Variants in DNAH9 observed in about 807,000 individuals in gnomAD.
The protein encoded by DNAH9 is DNAH9 variant protein.
In DNAH9, 345 loss-of-function variants were observed where a neutral mutation model predicts 471.6. The observed-to-expected ratio is 0.73, with a 90% confidence interval of 0.67 to 0.80. DNAH9 has a LOEUF of 0.80. Ranked by LOEUF, DNAH9 falls within the 30% of genes least tolerant of loss-of-function variation. The pLI is 0.00. For missense variants in DNAH9, 5,407 were observed against 5,609.2 expected (o/e 0.96, Z 1.15); for synonymous variants, 2,093 against 2,123.6 (o/e 0.99, Z 0.40).
intron 62 of DNAH9, among the ~76,000 whole-genome samples, chr17:11,926,471 T>C (rs1974332436): frequency 6.6e-6 from 1 of 152,164 alleles, no homozygotes; most frequent in Non-Finnish European, 1.5e-5. Flanking sequence ...TGTGTTCTCA[T>C]TGTTCAGCTC....
intron 27 of DNAH9, among the ~76,000 whole-genome samples, chr17:11,721,729 C>T (rs1420158878): frequency 6.6e-6 from 1 of 151,798 alleles, no homozygotes; most frequent in Non-Finnish European, 1.5e-5. Flanking sequence ...TAGTATAACC[C>T]GATTTTATTT....
intron 55 of DNAH9, chr17:11,883,158 C>A: frequency 6.1e-6 from 6 of 990,780 alleles, no homozygotes; most frequent in Non-Finnish European, 7.2e-6. Context: ...ACAGATTCTG[C>A]TGATTTTTTT....
chr17:11,767,271 T>C (rs2150874893), intron 36 of DNAH9, among the ~76,000 whole-genome samples: 1 of 152,342 alleles, frequency 6.6e-6, no homozygotes, highest in South Asian at 2.1e-4. Flanking sequence ...GTTGAAGGTC[T>C]TGAAGCGTAT....
chr17:11,839,266 C>G (rs932579750), intron 49 of DNAH9, among the ~76,000 whole-genome samples: 2 of 152,142 alleles, frequency 1.3e-5, no homozygotes, highest in Non-Finnish European at 2.9e-5. Flanking sequence ...CCTGTAATCC[C>G]AGCACTTTGG....
Position 11,623,261 on chromosome 17 carries a change from A to C in DNAH9, c.1350+3480A>C, listed in dbSNP as rs1444790720. On this transcript the variant is annotated intron_variant, in intron 6 of 68. Coordinates refer to ENST00000262442, the MANE Select transcript of DNAH9 (RefSeq NM_001372.4). This position sits in a 1 kb window ranked among gnomAD's most constrained non-coding sequence, Gnocchi z 4.1. ...AGTGCTGGGATTACAGGTGTGAGCC[A>C]CCGTGCCCGGCCAGCATTTCTTTTC... 6.6e-6 allele frequency among the ~76,000 whole-genome samples: 1 copy of C among 151,970 alleles called. No homozygotes were observed. Among genetic ancestry groups the C allele is most frequent in the African/African-American group, 2.4e-5 (1 of 41,382 alleles).
intron 37 of DNAH9, 58 bp from the exon 38 acceptor site, chr17:11,769,064 G>A: frequency 6.3e-7 from 1 of 1,575,774 alleles, no homozygotes; most frequent in Non-Finnish European, 8.7e-7. Context: ...AACGCCGCTG[G>A]TGCATCTGTT....
At chr17:11,874,244 C>CA (rs770328921) in intron 52 of DNAH9, among the ~76,000 whole-genome samples, 1,733 of 106,382 alleles carry the variant, frequency 0.016, 69 homozygotes, top group East Asian at 0.086. Context: ...GATTCCATCT[C>CA]AAAAAAAAAA....
chr17:11,877,055 A>G (rs1389611935), intron 53 of DNAH9, among the ~76,000 whole-genome samples: 2 of 152,016 alleles, frequency 1.3e-5, no homozygotes, highest in Admixed American at 6.6e-5. Context: ...TGAATGGATG[A>G]TGGTGATGGA....
intron 19 of DNAH9, among the ~76,000 whole-genome samples, chr17:11,685,801 ATTTT>A (rs66577382): frequency 1.6e-5 from 2 of 123,622 alleles, no homozygotes. Context: ...GGATACATTA[ATTTT>A]TTTTTTTTTT....
rs566499671 is a variant in DNAH9, at chr17:11,735,043, G to T, written c.5815-3837G>T. Among the ~76,000 whole-genome samples the T allele has an allele frequency of 1.1e-4, 17 of 152,302 alleles. No homozygotes were observed. In the South Asian group the frequency reaches 3.5e-3, roughly 32 times the overall value. On this transcript the variant is annotated intron_variant, in intron 28 of 68. Transcript: ENST00000262442. The stretch of plus-strand genomic sequence containing the variant: ...AATTTCTGATTTGATTTATCTTGGA[G>T]GTAGAGCTAAGAATTTGCATGGGAA...
intron 59 of DNAH9, 126 bp downstream of exon 59, chr17:11,894,622 C>A: frequency 1.6e-6 from 2 of 1,273,608 alleles, no homozygotes; most frequent in South Asian, 1.5e-5. Context: ...TAAACATAGG[C>A]GCATCCCTTT....
Position 11,962,940 on chromosome 17 carries a change from T to C in DNAH9, c.13233+684T>C, listed in dbSNP as rs1448349890. ...AAGGCTAATAAAAACGTGAGTCACA[T>C]GAGATTGGAGAAGATGTTTTGTCAC... On this transcript the variant is annotated intron_variant, in intron 68 of 68. Coordinates refer to ENST00000262442, the MANE Select transcript of DNAH9 (RefSeq NM_001372.4). The surrounding 1 kb of genome is among the most constrained non-coding windows in gnomAD (Gnocchi z 4.1). 1.3e-5 allele frequency among the ~76,000 whole-genome samples: 2 copies of C among 152,176 alleles called. No individual in the cohort carries two copies. Among genetic ancestry groups the C allele is most frequent in the Admixed American group, 6.5e-5 (1 of 15,274 alleles).
chr17:11,819,884 T>C (rs1970249088), intron 45 of DNAH9, among the ~76,000 whole-genome samples: 1 of 152,194 alleles, frequency 6.6e-6, no homozygotes, highest in African/African-American at 2.4e-5. Flanking sequence ...AAAATTAGGT[T>C]TTGAACAATA....
chr17:11,769,236 C>T lies in DNAH9; in HGVS notation c.7459C>T (p.Leu2487=), dbSNP rs1248082918. The change falls in exon 38 of 69, where the codon CTG becomes TTG. Residue 2487 remains leucine (L), a synonymous_variant. Coordinates refer to ENST00000262442, the MANE Select transcript of DNAH9 (RefSeq NM_001372.4). ...CACGGCTGGCACTGGCAAGTCGGTG[C>T]TGGTGGGAGCTAAGCTGGCCAGCCT... ...VGTAGTGKSV[L]VGAKLASLDP... 1.9e-6 allele frequency: 3 copies of T among 1,614,172 alleles called. No individual in the cohort carries two copies. The South Asian group carries it at 3.3e-5, about 18-fold the overall frequency.
chr17:11,637,468 C>T (rs116922602), intron 9 of DNAH9, among the ~76,000 whole-genome samples: 21 of 152,056 alleles, frequency 1.4e-4, no homozygotes, highest in African/African-American at 5.1e-4. Flanking sequence ...AGCGATGGTG[C>T]GAACCCCTAG....
intron 32 of DNAH9, among the ~76,000 whole-genome samples, chr17:11,750,722 TAAAA>T (rs956598187): frequency 6.6e-6 from 1 of 151,800 alleles, no homozygotes; most frequent in Non-Finnish European, 1.5e-5. Flanking sequence ...TAGGATGCAA[TAAAA>T]AAAATACTTC....
Position 11,629,479 on chromosome 17 carries a change from A to C in DNAH9, c.1413A>C (p.Arg471Ser). 1 of 1,614,138 alleles carries C rather than the reference A, an allele frequency of 6.2e-7. No homozygotes were observed. The highest frequency in any genetic ancestry group is 8.5e-7 in the Non-Finnish European group (1 of 1,180,008). Residue 471 changes from arginine to serine, a missense_variant, in exon 7 of 69, where the codon AGA becomes AGC. Transcript: ENST00000262442. ...KLGKVEFSGV[R>S]GNALSQQVQQ... ...GAAAGGTGGAGTTCAGCGGCGTCAG[A>C]GGGAATGCTCTGAGTCAGCAGGTCC...
intron 49 of DNAH9, among the ~76,000 whole-genome samples, chr17:11,845,538 G>A (rs1161969388): frequency 6.7e-6 from 1 of 149,196 alleles, no homozygotes; most frequent in Non-Finnish European, 1.5e-5. Flanking sequence ...GGATGGCTGG[G>A]TCAAATGGTA....
intron 52 of DNAH9, among the ~76,000 whole-genome samples, chr17:11,873,217 TGAA>T (rs373816220): frequency 2.0e-5 from 3 of 152,326 alleles, no homozygotes; most frequent in East Asian, 3.9e-4. Context: ...ACTGAGTGAA[TGAA>T]GAAGAAGAGC....
Sources: gnomAD v4.1 joint callset for allele counts (sites outside exome capture counted in the v4.1 genomes callset) on GRCh38, gnomAD v4.1.1 for gene constraint, Gnocchi (gnomAD v3.1) non-coding constraint, MANE v1.5 for transcripts, NCBI Gene and HGNC (gene_info 2026-07-23, HGNC 2026-07-21) for gene names.